Variants in KMT2E observed in about 807,000 individuals in gnomAD.
The protein encoded by KMT2E is lysine methyltransferase 2E (inactive).
A neutral mutation model predicts 184.6 loss-of-function variants in KMT2E; 30 were observed. The ratio of observed to expected loss-of-function variants is 0.16; its 90% CI spans 0.12 to 0.22. The LOEUF (loss-of-function observed/expected upper bound fraction) is 0.22, where lower values mean the gene tolerates loss of function less well. KMT2E is among the 10% of genes least tolerant of loss of function. The pLI is 1.00. For synonymous variants in KMT2E, 815 were observed against 776.5 expected, an observed-to-expected ratio of 1.05 and a Z score of -0.82; for missense variants, 2,023 against 2,237.4, an observed-to-expected ratio of 0.90 and a Z score of 1.93.
intron 13 of KMT2E, among the ~76,000 whole-genome samples, chr7:105,083,253 G>T (rs1374549429): frequency 6.6e-6 from 1 of 152,108 alleles, no homozygotes; most frequent in African/African-American, 2.4e-5. Flanking sequence ...CTCTTTCAGG[G>T]TTCTGTTCCA....
At chr7:105,051,058 C>T (rs10228174) in intron 3 of KMT2E, among the ~76,000 whole-genome samples, 89,637 of 151,236 alleles carry the variant, frequency 0.59, 28,273 homozygotes, top group East Asian at 0.92. Context: ...TCTTTCTTTC[C>T]TTTTCTTTCT....
At chr7:105,057,917 G>A (rs939663132) in intron 3 of KMT2E, among the ~76,000 whole-genome samples, 4 of 152,028 alleles carry the variant, frequency 2.6e-5, no homozygotes, top group Admixed American at 6.6e-5. Context: ...TTTCTCACTC[G>A]TCTCAAAAAT....
chr7:105,071,582 G>GTATGTA (rs1797297376), intron 6 of KMT2E, among the ~76,000 whole-genome samples: 2 of 34,944 alleles, frequency 5.7e-5, no homozygotes, highest in South Asian at 2.7e-3. Context: ...ATGTGTGTGT[G>GTATGTA]TATATATATA....
At chr7:105,064,277 G>A (rs1796945608) in intron 5 of KMT2E, among the ~76,000 whole-genome samples, 1 of 149,570 alleles carries the variant, frequency 6.7e-6, no homozygotes, top group South Asian at 2.1e-4. Context: ...CCTGCATAGG[G>A]TGGGAAGCGC....
At chr7:105,058,009 A>G (rs1311804773) in intron 3 of KMT2E, among the ~76,000 whole-genome samples, 2 of 152,140 alleles carry the variant, frequency 1.3e-5, no homozygotes, top group East Asian at 1.9e-4. Context: ...ATCTCTCTTC[A>G]TCTATAACAA....
intron 1 of KMT2E, among the ~76,000 whole-genome samples, chr7:105,025,722 G>A (rs887824703): frequency 4.6e-5 from 7 of 152,234 alleles, no homozygotes; most frequent in East Asian, 1.9e-4. Context: ...TAAGTATTAC[G>A]TAAACCAATG....
At chr7:105,079,001 TG>T in intron 12 of KMT2E, 38 bp downstream of exon 12, 1 of 1,097,580 alleles carries the variant, frequency 9.1e-7, no homozygotes, top group South Asian at 1.2e-5. Flanking sequence ...ATGTGGGTGC[TG>T]GGGGTGTGTT....
intron 3 of KMT2E, among the ~76,000 whole-genome samples, chr7:105,049,161 C>T (rs1196173255): frequency 6.6e-6 from 1 of 152,074 alleles, no homozygotes; most frequent in Non-Finnish European, 1.5e-5. Flanking sequence ...GAAATAAGTG[C>T]TGGCCAGGCG....
chr7:105,102,211 T>C lies in KMT2E; in HGVS notation c.2196+17T>C, dbSNP rs754166110. On this transcript the variant is annotated intron_variant, in intron 17 of 26. Transcript: ENST00000311117. ...ACAAAGAAGGTATGATTCTAATGAA[T>C]GTAAGAACTGTTTTTCTAACAGTTT... The C allele has an allele frequency of 3.9e-6, 6 of 1,552,896 alleles. No homozygotes were observed. Among genetic ancestry groups the C allele is most frequent in the Non-Finnish European group, 5.2e-6 (6 of 1,159,884 alleles).
In KMT2E at chr7:105,085,170, C is replaced by T. The variant is rs114405855; in HGVS notation, c.1358+3373C>T. On this transcript the variant is annotated intron_variant, in intron 13 of 26. Transcript: ENST00000311117. ...AATCCATGTATAACTATAATGTGCA[C>T]AGTTCAAACTTGTGTTGTTCAAGGG... is the stretch of plus-strand genomic sequence containing the variant. 2.0e-3 allele frequency among the ~76,000 whole-genome samples: 306 copies of T among 151,900 alleles called. 2 individuals carry two copies. Among genetic ancestry groups the T allele is most frequent in the African/African-American group, 6.8e-3 (282 of 41,338 alleles).
At chr7:105,108,008 T>TTATGTA in intron 22 of KMT2E, 83 bp downstream of exon 22, 1 of 901,010 alleles carries the variant, frequency 1.1e-6, no homozygotes, top group Non-Finnish European at 1.6e-6. Context: ...GTTAGATGTA[T>TTATGTA]TATGTAAGGC....
chr7:105,110,703 C>G lies in KMT2E; in HGVS notation c.3971-68C>G, dbSNP rs920338043. 5.7e-6 allele frequency: 9 copies of G among 1,577,534 alleles called. No homozygotes were observed. The African/African-American group carries it at 1.2e-4, about 21-fold the overall frequency. ...GGTTTGGATAGTAGAATGTATGTTG[C>G]TTTGTGGTGTTAAAACAGTGTTTAT... On this transcript the variant is annotated intron_variant, in intron 25 of 26. Transcript: ENST00000311117.
At chr7:105,073,997 T>G (rs1797433753) in intron 7 of KMT2E, among the ~76,000 whole-genome samples, 1 of 152,238 alleles carries the variant, frequency 6.6e-6, no homozygotes, top group South Asian at 2.1e-4. Context: ...CAGAAAGATA[T>G]GATCCATTAG....
intron 2 of KMT2E, chr7:105,038,586 C>T (rs1370155548): frequency 2.0e-5 from 3 of 152,230 alleles, no homozygotes; most frequent in African/African-American, 7.2e-5. Flanking sequence ...TGGTCTCAAT[C>T]TCCTAACCTC....
At chr7:105,076,918 G>T (rs756428745) in intron 9 of KMT2E, 45 bp from the exon 10 acceptor site, 4 of 896,048 alleles carry the variant, frequency 4.5e-6, no homozygotes, top group Non-Finnish European at 7.3e-6. Context: ...GTGTGTGTGT[G>T]TAAGTCCGTA....
At chr7:105,059,978 G>GTT (rs67291226) in intron 3 of KMT2E, among the ~76,000 whole-genome samples, 2,153 of 51,664 alleles carry the variant, frequency 0.042, 601 homozygotes, top group Non-Finnish European at 0.064. Flanking sequence ...TCTTGTTGTT[G>GTT]TTTTTTTTTT....
intron 1 of KMT2E, among the ~76,000 whole-genome samples, chr7:105,036,884 T>C (rs1035200236): frequency 6.6e-6 from 1 of 152,246 alleles, no homozygotes; most frequent in South Asian, 2.1e-4. Flanking sequence ...ATCAGCCTAA[T>C]CAACTTCCAT....
intron 15 of KMT2E, among the ~76,000 whole-genome samples, chr7:105,098,854 A>G (rs1382045265): frequency 1.3e-5 from 2 of 152,238 alleles, no homozygotes; most frequent in South Asian, 2.1e-4. Context: ...TTTCATGGGA[A>G]ATCTATCGAG....
At chr7:105,045,947 G>T (rs531622188) in intron 3 of KMT2E, among the ~76,000 whole-genome samples, 3 of 151,932 alleles carry the variant, frequency 2.0e-5, no homozygotes, top group Non-Finnish European at 4.4e-5. Flanking sequence ...AAATATTTGT[G>T]TTTTCTAGGG....
Sources: allele counts gnomAD v4.1 joint callset (sites outside exome capture counted in the v4.1 genomes callset), GRCh38; gene constraint gnomAD v4.1.1; transcripts MANE v1.5; gene names NCBI Gene and HGNC (gene_info 2026-07-23, HGNC 2026-07-21).